VPS13C: variants seen among roughly 807,000 people sequenced by gnomAD.
VPS13C encodes vacuolar protein sorting 13 homolog C, also known as intermembrane lipid transfer protein VPS13C.
VPS13C carries 358 observed loss-of-function variants against 456.8 expected under a neutral mutation model. The observed-to-expected ratio is 0.78, with a 90% CI of 0.72 to 0.86. The LOEUF is 0.86. Ranked by LOEUF, VPS13C falls within the 40% of genes least tolerant of loss-of-function variation. The probability of loss-of-function intolerance (pLI) is 0.00; values close to 1 mark genes in which losing one functional copy is unlikely to be tolerated. For synonymous variants in VPS13C, 1,578 were observed against 1,486.7 expected (o/e 1.06, Z -1.41); for missense variants, 4,818 against 4,385.4 (o/e 1.10, Z -2.79).
At chr15:61,964,931 C>A in intron 30 of VPS13C, 70 bp from the exon 31 acceptor site, 2 of 1,420,244 alleles carry the variant, frequency 1.4e-6, no homozygotes, top group South Asian at 1.5e-5. Flanking sequence ...ACGACAGACC[C>A]AAAAGATTCT....
intron 37 of VPS13C, 69 bp downstream of exon 37, chr15:61,958,539 G>C: frequency 1.2e-6 from 1 of 856,360 alleles, no homozygotes; most frequent in Non-Finnish European, 1.8e-6. Context: ...CTTTTTATTT[G>C]CTGATTCCCT....
At chr15:61,868,147 T>C (rs1365827582) in intron 81 of VPS13C, among the ~76,000 whole-genome samples, 1 of 152,100 alleles carries the variant, frequency 6.6e-6, no homozygotes, top group Non-Finnish European at 1.5e-5. Context: ...GTATATATTA[T>C]CAAAATATAA....
chr15:62,052,210 T>C (rs1255857085), intron 1 of VPS13C, among the ~76,000 whole-genome samples: 8 of 152,336 alleles, frequency 5.3e-5, no homozygotes, highest in Non-Finnish European at 5.9e-5. Context: ...ATGCTTTGTA[T>C]TTATTTTTTA....
chr15:61,901,915 T>C (rs2043010295), intron 66 of VPS13C, among the ~76,000 whole-genome samples: 1 of 152,014 alleles, frequency 6.6e-6, no homozygotes. Context: ...ATATACACCA[T>C]GAAATACTAT....
chr15:61,991,837 A>T lies in VPS13C; in HGVS notation c.1354-35T>A, dbSNP rs200054850. ...AAAAATTAAAAAATTTACTTTAAGA[A>T]TGTTGCCCTCTTCATTTTCAGGTGT... On this transcript the variant is annotated intron_variant, in intron 16 of 84. Coordinates refer to ENST00000644861, the MANE Select transcript of VPS13C (RefSeq NM_020821.3). The T allele has an allele frequency of 3.2e-4, 509 of 1,595,524 alleles. 2 individuals carry two copies. In the Middle Eastern group the frequency reaches 4.4e-3, roughly 14 times the overall value.
chr15:62,055,403 ATTTT>A (rs35306432), intron 1 of VPS13C, among the ~76,000 whole-genome samples: 4 of 115,958 alleles, frequency 3.4e-5, no homozygotes, highest in Non-Finnish European at 3.7e-5. Flanking sequence ...AATTTTTTGT[ATTTT>A]TTTTTTTTTT....
Position 61,981,486 on chromosome 15 carries a change from C to T in VPS13C, c.2030-8G>A, listed in dbSNP as rs1183700684. 2.5e-6 allele frequency: 4 copies of T among 1,570,654 alleles called. No homozygotes were observed. Among genetic ancestry groups the T allele is most frequent in the African/African-American group, 1.4e-5 (1 of 72,226 alleles). On this transcript the variant is annotated splice_polypyrimidine_tract_variant and splice_region_variant and intron_variant, in intron 21 of 84. Transcript: ENST00000644861. ...CAATAATATGTGTAAGTCCTAAAGA[C>T]GTAAGAAATAATGACAGATTAGATG...
At chr15:62,018,326 G>C (rs2047334458) in intron 9 of VPS13C, among the ~76,000 whole-genome samples, 1 of 151,950 alleles carries the variant, frequency 6.6e-6, no homozygotes, top group South Asian at 2.1e-4. Flanking sequence ...ACACTATGTG[G>C]AATAGGAGTG....
intron 82 of VPS13C, among the ~76,000 whole-genome samples, chr15:61,861,214 C>T (rs376921625): frequency 6.6e-6 from 1 of 151,988 alleles, no homozygotes; most frequent in East Asian, 1.9e-4. Flanking sequence ...CCGCCCGCCT[C>T]GGCCTCTCAA....
intron 1 of VPS13C, among the ~76,000 whole-genome samples, chr15:62,057,751 G>A (rs1243468025): frequency 6.6e-6 from 1 of 152,128 alleles, no homozygotes; most frequent in East Asian, 1.9e-4. Flanking sequence ...ACCAAAAAAA[G>A]ACAAAAGGGG....
At chr15:62,042,684 C>G (rs2048278619) in intron 2 of VPS13C, among the ~76,000 whole-genome samples, 1 of 151,894 alleles carries the variant, frequency 6.6e-6, no homozygotes, top group African/African-American at 2.4e-5. Context: ...AATTTTCACA[C>G]AAAATAAATG....
At chr15:61,910,659 A>C (rs1453985399) in intron 63 of VPS13C, among the ~76,000 whole-genome samples, 1 of 152,192 alleles carries the variant, frequency 6.6e-6, no homozygotes, top group Non-Finnish European at 1.5e-5. Context: ...TTAATTCATT[A>C]ATACATGATG....
chr15:62,013,053 T>C lies in VPS13C; in HGVS notation c.811A>G (p.Arg271Gly), dbSNP rs2047103559. 2.5e-6 allele frequency: 4 copies of C among 1,610,036 alleles called. No individual in the cohort carries two copies. Among genetic ancestry groups the C allele is most frequent in the African/African-American group, 1.3e-5 (1 of 74,816 alleles). Reference sequence around the variant, plus strand: ...ATTAATATTACCAAAATCTGTTCCCTTGATCTCTGGTAAGACATGCTGCAA... The same window carrying C: ...ATTAATATTACCAAAATCTGTTCCCCTGATCTCTGGTAAGACATGCTGCAA... Reference protein sequence around the residue: ...VNCSMSYQRSREQILDQLKNE... With the variant: ...VNCSMSYQRSGEQILDQLKNE... The change falls in exon 11 of 85, where the codon AGG (arginine) becomes GGG (glycine). Residue 271 changes from arginine (R) to glycine (G), a missense_variant. Coordinates refer to ENST00000644861, the MANE Select transcript of VPS13C (RefSeq NM_020821.3).
chr15:61,967,451 G>A lies in VPS13C; in HGVS notation c.2912-4C>T, dbSNP rs780635063. The A allele has an allele frequency of 2.2e-5, 34 of 1,577,792 alleles. No homozygotes were observed. In the Admixed American group the frequency reaches 2.3e-4, roughly 11 times the overall value. On this transcript the variant is annotated splice_region_variant and splice_polypyrimidine_tract_variant and intron_variant, in intron 28 of 84. Coordinates refer to ENST00000644861, the MANE Select transcript of VPS13C (RefSeq NM_020821.3). ...TGAAGGGGCTTCCTTTTGGATCCTA[G>A]ATTAAAGAAAAAGGAAAAAAAAGTG... is the stretch of plus-strand genomic sequence containing the variant.
intron 68 of VPS13C, among the ~76,000 whole-genome samples, chr15:61,883,895 AAC>A (rs1421100327): frequency 3.9e-5 from 6 of 151,926 alleles, no homozygotes; most frequent in African/African-American, 7.2e-5. Flanking sequence ...AAATTATTAA[AAC>A]ACAGGTTTAA....
At chr15:62,044,293 C>T (rs772393229) in intron 1 of VPS13C, 38 bp from the exon 2 acceptor site, 1 of 1,288,086 alleles carries the variant, frequency 7.8e-7, no homozygotes, top group Admixed American at 2.2e-5. Context: ...ATTACTATAA[C>T]ATACCAATTT....
At chr15:61,905,349 G>C (rs1021680675) in intron 66 of VPS13C, among the ~76,000 whole-genome samples, 1 of 151,926 alleles carries the variant, frequency 6.6e-6, no homozygotes, top group Non-Finnish European at 1.5e-5. Flanking sequence ...TATCTTCATG[G>C]TTATAATTTT....
intron 66 of VPS13C, among the ~76,000 whole-genome samples, chr15:61,894,715 C>T (rs1261701059): frequency 1.3e-5 from 2 of 152,012 alleles, no homozygotes; most frequent in African/African-American, 4.8e-5. Context: ...GTACCCAACA[C>T]CAGAGCAGCC....
At chr15:62,003,187 T>C (rs28837202) in intron 15 of VPS13C, among the ~76,000 whole-genome samples, 49,791 of 151,592 alleles carry the variant, frequency 0.33, 9,654 homozygotes, top group Non-Finnish European at 0.42. Context: ...TGTCCTCTTT[T>C]ATTTCATTGA....
Sources: allele counts gnomAD v4.1 joint callset (sites outside exome capture counted in the v4.1 genomes callset), GRCh38; gene constraint gnomAD v4.1.1; transcripts MANE v1.5; gene names NCBI Gene and HGNC (gene_info 2026-07-23, HGNC 2026-07-21).